Variants in TRAPPC12 observed in about 807,000 individuals in gnomAD.
The protein encoded by TRAPPC12 is TPR repeat protein 15.
Under a neutral mutation model 69.2 loss-of-function variants are expected in TRAPPC12, and 61 were observed. The observed-to-expected ratio is 0.88, with a 90% CI of 0.72 to 1.09. TRAPPC12 has a LOEUF of 1.09. TRAPPC12 is among the 50% of genes least tolerant of loss of function. TRAPPC12 has a pLI of 0.00. For synonymous variants in TRAPPC12, 469 were observed against 438.9 expected (o/e 1.07, Z -0.86); for missense variants, 1,101 against 1,016.4 (o/e 1.08, Z -1.13).
intron 5 of TRAPPC12, among the ~76,000 whole-genome samples, chr2:3,425,890 A>C (rs548634834): frequency 6.6e-6 from 1 of 152,380 alleles, no homozygotes; most frequent in East Asian, 1.9e-4. Flanking sequence ...AGATGAACTA[A>C]AAAGGCTAGA....
intron 9 of TRAPPC12, among the ~76,000 whole-genome samples, chr2:3,471,706 G>A (rs1666069104): frequency 1.3e-5 from 2 of 152,196 alleles, no homozygotes; most frequent in South Asian, 4.1e-4. Flanking sequence ...AACAGAAGAA[G>A]CATTATATTC....
chr2:3,423,973 G>A (rs901683290), intron 4 of TRAPPC12, among the ~76,000 whole-genome samples: 3 of 152,092 alleles, frequency 2.0e-5, no homozygotes, highest in African/African-American at 7.2e-5. Context: ...TCCTTAGCCT[G>A]TGGCCCCTTG....
intron 1 of TRAPPC12, among the ~76,000 whole-genome samples, chr2:3,385,458 A>G (rs1192215443): frequency 6.6e-6 from 1 of 152,154 alleles, no homozygotes; most frequent in East Asian, 1.9e-4. Flanking sequence ...ATAATTTAGA[A>G]GCATTTTACC....
chr2:3,446,392 T>C (rs1558389342), intron 6 of TRAPPC12, among the ~76,000 whole-genome samples: 1 of 152,266 alleles, frequency 6.6e-6, no homozygotes, highest in Non-Finnish European at 1.5e-5. Context: ...TGTTCCTTTA[T>C]GTGCTGACTT....
intron 2 of TRAPPC12, 42 bp from the exon 3 acceptor site, chr2:3,401,734 GA>G (rs748675108): frequency 5.1e-5 from 70 of 1,375,438 alleles, no homozygotes; most frequent in Non-Finnish European, 6.8e-5. Context: ...GAGTTTAGTT[GA>G]CATTTTATTG....
intron 6 of TRAPPC12, among the ~76,000 whole-genome samples, chr2:3,454,312 C>G (rs1419267282): frequency 6.7e-6 from 1 of 150,032 alleles, no homozygotes; most frequent in Non-Finnish European, 1.5e-5. Flanking sequence ...CCATGTCCTA[C>G]CCCTGCGCCT....
intron 9 of TRAPPC12, among the ~76,000 whole-genome samples, chr2:3,468,411 T>C (rs1665918340): frequency 6.7e-6 from 1 of 148,242 alleles, no homozygotes; most frequent in African/African-American, 2.6e-5. Flanking sequence ...TTATCTCACC[T>C]TCATGGTGTC....
intron 5 of TRAPPC12, among the ~76,000 whole-genome samples, chr2:3,430,341 T>C (rs1663358283): frequency 6.6e-6 from 1 of 152,214 alleles, no homozygotes; most frequent in South Asian, 2.1e-4. Flanking sequence ...AGCCTGTCAG[T>C]TTGTTTCCCC....
chr2:3,388,942 C>T, intron 2 of TRAPPC12: 1 of 388,554 alleles, frequency 2.6e-6, no homozygotes, highest in Non-Finnish European at 4.5e-6. Context: ...GTCAGTTCTC[C>T]ATGTCCTGTA....
intron 5 of TRAPPC12, among the ~76,000 whole-genome samples, chr2:3,424,939 G>A (rs768833503): frequency 3.9e-5 from 6 of 152,224 alleles, no homozygotes; most frequent in African/African-American, 9.6e-5. Context: ...TGCAGGGGCC[G>A]GGTAGTAGAC....
At chr2:3,465,880 C>G in intron 9 of TRAPPC12, 185 bp downstream of exon 9, 1 of 595,448 alleles carries the variant, frequency 1.7e-6, no homozygotes, top group South Asian at 2.0e-5. Flanking sequence ...GTGGGAGGCC[C>G]TGCTGGCTTT....
chr2:3,383,366 G>A (rs1482277641), intron 1 of TRAPPC12, among the ~76,000 whole-genome samples: 2 of 151,958 alleles, frequency 1.3e-5, no homozygotes, highest in Non-Finnish European at 2.9e-5. Flanking sequence ...TGAAAGTTTT[G>A]AAGTTTTGCC....
chr2:3,449,123 T>TC (rs1664713191), intron 6 of TRAPPC12: 1 of 152,192 alleles, frequency 6.6e-6, no homozygotes, highest in African/African-American at 2.4e-5. Flanking sequence ...AAAATAAATT[T>TC]CCCGTGCTGC....
chr2:3,439,887 A>ATT (rs55915131), intron 5 of TRAPPC12, among the ~76,000 whole-genome samples: 29,481 of 146,686 alleles, frequency 0.2, 2,979 homozygotes, highest in African/African-American at 0.23. Flanking sequence ...GTCTAGATTC[A>ATT]TTTTTTTTTT....
At chr2:3,398,901 C>G (rs1661269660) in intron 2 of TRAPPC12, among the ~76,000 whole-genome samples, 2 of 152,220 alleles carry the variant, frequency 1.3e-5, no homozygotes, top group South Asian at 4.1e-4. Context: ...ATCATTGGTT[C>G]TAGCTGGATT....
intron 6 of TRAPPC12, among the ~76,000 whole-genome samples, chr2:3,447,162 G>A (rs1046516771): frequency 2.6e-5 from 4 of 151,172 alleles, no homozygotes; most frequent in African/African-American, 4.9e-5. Flanking sequence ...GTGCAGTGGC[G>A]CTATTGGCTC....
chr2:3,380,004 G>C (rs1272918998), intron 1 of TRAPPC12, 128 bp downstream of exon 1: 1 of 152,394 alleles, frequency 6.6e-6, no homozygotes, highest in Admixed American at 6.5e-5. Context: ...AGTGGGCGTG[G>C]GGTCCGGGCG....
rs1412820624 is a variant in TRAPPC12, at chr2:3,387,841, C to T, written c.218C>T (p.Ser73Phe). 3 of 1,607,186 alleles carry T rather than the reference C, an allele frequency of 1.9e-6. No homozygotes were observed. The highest frequency in any genetic ancestry group is 4.5e-5 in the East Asian group (2 of 44,574). ...CACATGATGGAGAGCGTCCTCATCT[C>T]TGACTCCCCCAACAGCGAGGGCGAC... ...NEHMMESVLI[S>F]DSPNSEGDAG... The change falls in exon 2 of 12, where the codon TCT becomes TTT. Residue 73 changes from serine (S) to phenylalanine (F), a missense_variant. Coordinates refer to ENST00000324266, the MANE Select transcript of TRAPPC12 (RefSeq NM_016030.6).
At chr2:3,458,120 G>A (rs965862197) in intron 7 of TRAPPC12, 1 of 1,027,334 alleles carries the variant, frequency 9.7e-7, no homozygotes, top group African/African-American at 1.7e-5. Context: ...GAGCTGGAGA[G>A]GAAGGCCCAG....
Sources: gnomAD v4.1 joint callset for allele counts (sites outside exome capture counted in the v4.1 genomes callset) on GRCh38, gnomAD v4.1.1 for gene constraint, MANE v1.5 for transcripts, NCBI Gene and HGNC (gene_info 2026-07-23, HGNC 2026-07-21) for gene names.